Variants in PARN observed in about 807,000 individuals in gnomAD.
The protein encoded by PARN is poly(A)-specific ribonuclease.
A neutral mutation model predicts 102.8 loss-of-function variants in PARN; 71 were observed. The observed-to-expected ratio is 0.69, with a 90% CI of 0.57 to 0.84. The LOEUF is 0.84. Ranked by LOEUF, PARN falls within the 40% of genes least tolerant of loss-of-function variation. PARN has a pLI of 0.00. For synonymous variants in PARN, 261 were observed against 252.9 expected (o/e 1.03, Z -0.30); for missense variants, 782 against 760.9 (o/e 1.03, Z -0.33).
At chr16:14,536,399 T>A (rs1966607121) in intron 21 of PARN, among the ~76,000 whole-genome samples, 1 of 152,070 alleles carries the variant, frequency 6.6e-6, no homozygotes, top group Non-Finnish European at 1.5e-5. Flanking sequence ...GAAATAAGGA[T>A]CCTTATATTT....
intron 18 of PARN, among the ~76,000 whole-genome samples, chr16:14,579,888 A>G (rs1479691411): frequency 6.6e-6 from 1 of 151,658 alleles, no homozygotes; most frequent in Non-Finnish European, 1.5e-5. Flanking sequence ...CAGCAGGAGG[A>G]CTGCTTGAAC....
chr16:14,613,993 G>A (rs143015789), intron 6 of PARN, among the ~76,000 whole-genome samples: 5 of 152,128 alleles, frequency 3.3e-5, no homozygotes, highest in Admixed American at 6.6e-5. Flanking sequence ...GAGACCATGC[G>A]TAACAGGTCA....
In PARN at chr16:14,480,041, A is replaced by G. The variant is rs186618523; in HGVS notation, c.1670+2597T>C. 5.6e-4 allele frequency among the ~76,000 whole-genome samples: 85 copies of G among 152,260 alleles called. 2 individuals carry two copies. Among genetic ancestry groups the G allele is most frequent in the African/African-American group, 2.0e-3 (82 of 41,548 alleles). Reference sequence around the variant, plus strand: ...TAATAAACAAGACTTTATGAAAATTAAAAGTATTTGGCTGGGTCTGGTGGC... The same window carrying G: ...TAATAAACAAGACTTTATGAAAATTGAAAGTATTTGGCTGGGTCTGGTGGC... On this transcript the variant is annotated intron_variant, in intron 22 of 23. Coordinates refer to ENST00000437198, the MANE Select transcript of PARN (RefSeq NM_002582.4).
chr16:14,470,437 GATTATTATTATTATTATT>G (rs56768991), intron 22 of PARN, among the ~76,000 whole-genome samples: 1 of 147,126 alleles, frequency 6.8e-6, no homozygotes, highest in Non-Finnish European at 1.5e-5. Flanking sequence ...GAGTTTGGAT[GATTATTATTATTATTATT>G]ATTATTATTA....
Position 14,608,350 on chromosome 16 carries a change from T to G in PARN, c.621-31A>C, listed in dbSNP as rs561590654. 4.8e-5 allele frequency: 69 copies of G among 1,448,118 alleles called. No homozygotes were observed. The African/African-American group carries it at 9.4e-4, about 20-fold the overall frequency. 89.7% of individuals were successfully genotyped at this position (1,448,118 alleles called of 1,614,324 possible). On this transcript the variant is annotated intron_variant, in intron 8 of 23. Transcript: ENST00000437198. ...AAAACAAAAGAAAAGGTATTGATTT[T>G]GGCTCATTAGAAGTAAATCCAAACT...
rs550148231 is a variant in PARN, at chr16:14,610,667, T to C, written c.531A>G (p.Gln177=). 6 of 1,610,754 alleles carry C rather than the reference T, an allele frequency of 3.7e-6. No homozygotes were observed. In the East Asian group the frequency reaches 6.7e-5, roughly 18 times the overall value. ...ACACCACTTGGTCAATAAACTTCTT[T>C]TGATCCTCAGGAATCGTGACAGGAC... The part of the protein sequence containing the change: ...SKCPVTIPED[Q]KKFIDQVVEK... Residue 177 remains glutamine (Q), a synonymous_variant, in exon 7 of 24, where the codon CAA becomes CAG. Transcript: ENST00000437198.
intron 7 of PARN, among the ~76,000 whole-genome samples, chr16:14,610,165 T>C (rs1232142318): frequency 6.6e-6 from 1 of 152,216 alleles, no homozygotes; most frequent in Non-Finnish European, 1.5e-5. Context: ...TACAATTTGT[T>C]GCTGTTACAC....
chr16:14,524,179 C>G (rs1319883578), intron 21 of PARN, among the ~76,000 whole-genome samples: 2 of 152,190 alleles, frequency 1.3e-5, no homozygotes, highest in East Asian at 1.9e-4. Context: ...TACCCTAAGA[C>G]ACTTAAAATA....
At chr16:14,474,221 T>C (rs1436920499) in intron 22 of PARN, among the ~76,000 whole-genome samples, 2 of 152,122 alleles carry the variant, frequency 1.3e-5, no homozygotes, top group Non-Finnish European at 2.9e-5. Flanking sequence ...CCCAGGCTGG[T>C]CTCGAGCTTC....
chr16:14,471,482 A>G (rs915647383), intron 22 of PARN, among the ~76,000 whole-genome samples: 2 of 152,204 alleles, frequency 1.3e-5, no homozygotes, highest in African/African-American at 4.8e-5. Flanking sequence ...TTCTACTATT[A>G]AAATAGTATT....
chr16:14,475,586 G>A (rs921332662), intron 22 of PARN, among the ~76,000 whole-genome samples: 6 of 152,196 alleles, frequency 3.9e-5, no homozygotes, highest in Admixed American at 2.0e-4. Context: ...TACAATACCA[G>A]TGTAAACAGC....
At position 14,612,888 on chromosome 16, in the gene PARN, C is replaced by T. The variant is rs570625974; in HGVS notation, c.389-2079G>A. On this transcript the variant is annotated intron_variant, in intron 6 of 23. Transcript: ENST00000437198. ...CTGAGATTACAGGCGTGAGCCACCGCGCCCTACCACGGACATGTTAAATCA... is the reference window on the plus strand; with the variant it reads ...CTGAGATTACAGGCGTGAGCCACCGTGCCCTACCACGGACATGTTAAATCA... Among the ~76,000 whole-genome samples, 349 of 151,526 alleles carry T rather than the reference C, an allele frequency of 2.3e-3. 2 individuals are homozygous for T. The highest frequency in any genetic ancestry group is 7.8e-3 in the African/African-American group (323 of 41,386).
At chr16:14,581,357 A>C (rs1969523371) in intron 17 of PARN, among the ~76,000 whole-genome samples, 1 of 152,048 alleles carries the variant, frequency 6.6e-6, no homozygotes, top group African/African-American at 2.4e-5. Context: ...CGGCCTGTGA[A>C]AGGTATTCTT....
chr16:14,503,720 C>T (rs1213057646), intron 21 of PARN, among the ~76,000 whole-genome samples: 1 of 152,326 alleles, frequency 6.6e-6, no homozygotes, highest in East Asian at 1.9e-4. Context: ...CTATCATTTC[C>T]TGAGATTATA....
Position 14,457,061 on chromosome 16 carries a change from T to C in PARN, c.1671-9980A>G, listed in dbSNP as rs767447417. Among the ~76,000 whole-genome samples the C allele has an allele frequency of 4.6e-5, 7 of 152,200 alleles. No homozygotes were observed. In the South Asian group the frequency reaches 1.4e-3, roughly 31 times the overall value. On this transcript the variant is annotated intron_variant, in intron 22 of 23. Transcript: ENST00000437198. Reference sequence around the variant, plus strand: ...AAGTCCTTGGCCAAGGTTTGCTGAATGGATAAAATAAATGAAATAAGTGAA... The same window carrying C: ...AAGTCCTTGGCCAAGGTTTGCTGAACGGATAAAATAAATGAAATAAGTGAA...
chr16:14,617,749 T>TGATA, intron 5 of PARN, 99 bp from the exon 6 acceptor site: 1 of 764,050 alleles, frequency 1.3e-6, no homozygotes, highest in Non-Finnish European at 2.4e-6. Context: ...AAAGACAATA[T>TGATA]GGGAAGGAAG....
chr16:14,623,236 C>G (rs1013393299), intron 5 of PARN, among the ~76,000 whole-genome samples: 1 of 151,994 alleles, frequency 6.6e-6, no homozygotes, highest in Non-Finnish European at 1.5e-5. Context: ...GGAAACACAG[C>G]CAGGCACCAT....
intron 21 of PARN, among the ~76,000 whole-genome samples, chr16:14,512,388 G>A (rs547080230): frequency 6.8e-4 from 103 of 152,060 alleles, no homozygotes; most frequent in Middle Eastern, 3.4e-3. Context: ...CTGTAGTCCC[G>A]AGGCTGAGGC....
chr16:14,518,949 C>A (rs1003415382), intron 21 of PARN, among the ~76,000 whole-genome samples: 2 of 152,062 alleles, frequency 1.3e-5, no homozygotes, highest in Non-Finnish European at 2.9e-5. Flanking sequence ...CCTAGAGATA[C>A]ACTAAGGTGG....
Sources: gnomAD v4.1 joint callset for allele counts (sites outside exome capture counted in the v4.1 genomes callset) on GRCh38, gnomAD v4.1.1 for gene constraint, MANE v1.5 for transcripts, NCBI Gene and HGNC (gene_info 2026-07-23, HGNC 2026-07-21) for gene names.